SNTG1: variants seen among roughly 807,000 people sequenced by gnomAD.
SNTG1 encodes the protein gamma-1-syntrophin.
Under a neutral mutation model 74.7 loss-of-function variants are expected in SNTG1, and 39 were observed. That is an observed-to-expected ratio of 0.52 (90% CI 0.40 to 0.68). The LOEUF (loss-of-function observed/expected upper bound fraction) is 0.68. Ranked by LOEUF, SNTG1 falls within the 30% of genes least tolerant of loss-of-function variation. SNTG1 has a pLI of 0.00. For synonymous variants in SNTG1, 254 were observed against 217.1 expected (o/e 1.17, Z -1.49); for missense variants, 685 against 609.5 (o/e 1.12, Z -1.30).
chr8:50,525,593 T>C (rs2094213513), intron 9 of SNTG1, among the ~76,000 whole-genome samples: 1 of 152,184 alleles, frequency 6.6e-6, no homozygotes, highest in East Asian at 1.9e-4. Context: ...TCAAATGTCA[T>C]GCCTTTGAAT....
intron 1 of SNTG1, among the ~76,000 whole-genome samples, chr8:50,108,736 A>G (rs1042997440): frequency 2.0e-5 from 3 of 152,028 alleles, no homozygotes; most frequent in African/African-American, 7.2e-5. Context: ...TCCTTTGCTG[A>G]GTTATTTGTG....
intron 1 of SNTG1, among the ~76,000 whole-genome samples, chr8:50,145,349 T>C (rs1019738477): frequency 4.6e-5 from 7 of 152,226 alleles, no homozygotes; most frequent in African/African-American, 1.7e-4. Context: ...CAGTTTTATT[T>C]GCTTGCTTCT....
At chr8:50,274,627 C>G (rs938832687) in intron 2 of SNTG1, among the ~76,000 whole-genome samples, 1 of 152,090 alleles carries the variant, frequency 6.6e-6, no homozygotes, top group Non-Finnish European at 1.5e-5. Context: ...CCCTTCTTCC[C>G]CATCTTAGGA....
chr8:50,033,956 TAAGAG>T (rs1285361289), intron 1 of SNTG1, among the ~76,000 whole-genome samples: 1 of 152,184 alleles, frequency 6.6e-6, no homozygotes, highest in Non-Finnish European at 1.5e-5. Context: ...AGATAAGCAG[TAAGAG>T]AAGAGATTGT....
rs2093092188 is a variant in SNTG1 at position 50,421,878 on chromosome 8, TAC to T, written c.163-16663_163-16662del. On this transcript the variant is annotated intron_variant, in intron 4 of 18. Transcript: ENST00000642720. ...AAAAGCTTATACACCATCTTGAAAT[TAC>T]AGACATAATGCAGATCCAGAGTATC... is the stretch of plus-strand genomic sequence containing the variant. 2.0e-5 allele frequency among the ~76,000 whole-genome samples: 3 copies of T among 152,136 alleles called. No homozygotes were observed. In the South Asian group the frequency reaches 6.2e-4, roughly 32 times the overall value.
At position 50,209,872 on chromosome 8, in the gene SNTG1, T is replaced by A. The variant is rs75348414; in HGVS notation, c.-28+37237T>A. Among the ~76,000 whole-genome samples, 13 of 152,140 alleles carry A rather than the reference T, an allele frequency of 8.5e-5. 1 individual carries two copies. The highest frequency in any genetic ancestry group is 2.9e-4 in the African/African-American group (12 of 41,404). Reference sequence around the variant, plus strand: ...CAACGGAACAAAGCTGGATGGAGAATGACTTTGTTGAGTTGAGAGAAGAAG... The same window carrying A: ...CAACGGAACAAAGCTGGATGGAGAAAGACTTTGTTGAGTTGAGAGAAGAAG... On this transcript the variant is annotated intron_variant, in intron 2 of 18. Coordinates refer to ENST00000642720, the MANE Select transcript of SNTG1 (RefSeq NM_018967.5).
intron 1 of SNTG1, among the ~76,000 whole-genome samples, chr8:49,940,044 G>T (rs1004406992): frequency 6.6e-6 from 1 of 152,186 alleles, no homozygotes; most frequent in Non-Finnish European, 1.5e-5. Flanking sequence ...CTTGGCTTCT[G>T]GGAGTTGACT....
intron 15 of SNTG1, among the ~76,000 whole-genome samples, chr8:50,675,165 TA>T (rs1563728964): frequency 6.6e-5 from 10 of 152,152 alleles, no homozygotes; most frequent in Non-Finnish European, 1.3e-4. Context: ...GAGAGTTCTG[TA>T]GATGTCTATT....
rs910557041 is a variant in SNTG1 at position 50,591,914 on chromosome 8, T to A, written c.849+997T>A. On this transcript the variant is annotated intron_variant, in intron 13 of 18. Transcript: ENST00000642720. ...GAGATGTACGTGTCTTGCCACATGC[T>A]GCAGCAGCCTGTAGTTGTTTTTAAG... Among the ~76,000 whole-genome samples the A allele has an allele frequency of 7.2e-5, 11 of 152,226 alleles. No individual in the cohort carries two copies. In the South Asian group the frequency reaches 2.3e-3, roughly 31 times the overall value.
intron 1 of SNTG1, among the ~76,000 whole-genome samples, chr8:50,075,622 C>T (rs533373765): frequency 2.6e-5 from 4 of 152,178 alleles, no homozygotes; most frequent in African/African-American, 9.7e-5. Context: ...CACGTTGGGG[C>T]CTGCTTCCTA....
intron 2 of SNTG1, among the ~76,000 whole-genome samples, chr8:50,268,813 C>T (rs1292978542): frequency 6.6e-6 from 1 of 152,032 alleles, no homozygotes; most frequent in East Asian, 1.9e-4. Context: ...CACACCACCA[C>T]ACCCAGCTAA....
chr8:49,928,184 A>AAAT (rs1265077339), intron 1 of SNTG1, among the ~76,000 whole-genome samples: 47 of 119,986 alleles, frequency 3.9e-4, no homozygotes, highest in Non-Finnish European at 7.5e-4. Context: ...AATAAATAAA[A>AAAT]ATAAAAAAGA....
rs2080951875 is a variant in SNTG1, at chr8:50,120,273, AC to A, written c.-102-52287del. Among the ~76,000 whole-genome samples the A allele has an allele frequency of 1.4e-5, 2 of 140,604 alleles. 1 individual carries two copies. Among genetic ancestry groups the A allele is most frequent in the South Asian group, 5.4e-4 (2 of 3,710 alleles). 92.2% of individuals were successfully genotyped at this position (140,604 alleles called of 152,430 possible). On this transcript the variant is annotated intron_variant, in intron 1 of 18. Transcript: ENST00000642720. Reference sequence around the variant, plus strand: ...GTTAGATCTTAGTATACTAGCTATTACTAGCTATTACTGTCACTACTATCAT... The same window carrying A: ...GTTAGATCTTAGTATACTAGCTATTATAGCTATTACTGTCACTACTATCAT...
At chr8:50,508,147 C>T (rs950863254) in intron 9 of SNTG1, among the ~76,000 whole-genome samples, 5 of 152,062 alleles carry the variant, frequency 3.3e-5, no homozygotes, top group African/African-American at 9.7e-5. Context: ...CAGTTCCTAC[C>T]TATGAGTGAG....
intron 1 of SNTG1, among the ~76,000 whole-genome samples, chr8:50,109,073 A>G (rs2131291480): frequency 6.6e-6 from 1 of 152,324 alleles, no homozygotes; most frequent in Non-Finnish European, 1.5e-5. Context: ...GTGGGGCACC[A>G]CCATTTCCAT....
At chr8:50,278,004 C>A (rs1487790388) in intron 2 of SNTG1, among the ~76,000 whole-genome samples, 4 of 152,000 alleles carry the variant, frequency 2.6e-5, no homozygotes, top group Admixed American at 2.0e-4. Context: ...TGAAACCCAG[C>A]TGTACTAAAA....
chr8:50,016,589 GCA>G (rs1816339155), intron 1 of SNTG1, among the ~76,000 whole-genome samples: 1 of 152,076 alleles, frequency 6.6e-6, no homozygotes, highest in African/African-American at 2.4e-5. Flanking sequence ...ATGTTCATTA[GCA>G]GTTTCTCAGC....
At chr8:50,359,546 G>T (rs541339136) in intron 2 of SNTG1, among the ~76,000 whole-genome samples, 6 of 152,200 alleles carry the variant, frequency 3.9e-5, no homozygotes, top group East Asian at 1.9e-4. Context: ...AATAAAATTT[G>T]CTTTGAGCAA....
intron 1 of SNTG1, among the ~76,000 whole-genome samples, chr8:50,007,929 G>GGA (rs1815398111): frequency 1.3e-5 from 2 of 152,090 alleles, no homozygotes; most frequent in African/African-American, 4.8e-5. Flanking sequence ...CAAGGTGGCA[G>GGA]GAGAGAGAGA....
Sources: gnomAD v4.1 joint callset for allele counts (sites outside exome capture counted in the v4.1 genomes callset) on GRCh38, gnomAD v4.1.1 for gene constraint, MANE v1.5 for transcripts, NCBI Gene and HGNC (gene_info 2026-07-23, HGNC 2026-07-21) for gene names.